The following CKAP4 variants were observed in gnomAD, a reference collection of about 807,000 sequenced individuals.
The protein encoded by CKAP4 is cytoskeleton-associated protein 4.
CKAP4 carries 20 observed loss-of-function variants against 24.4 expected under a neutral mutation model. That is an observed-to-expected ratio of 0.82 (90% CI 0.58 to 1.19). CKAP4 has a LOEUF of 1.19. Ranked by LOEUF, CKAP4 falls within the 50% of genes most tolerant of loss-of-function variation. The pLI, the probability that CKAP4 is intolerant of heterozygous loss-of-function variation, is 0.00. For synonymous variants in CKAP4, 378 were observed against 351.7 expected, an observed-to-expected ratio of 1.07 and a Z score of -0.84; for missense variants, 744 against 765.3, an observed-to-expected ratio of 0.97 and a Z score of 0.33.
chr12:106,238,966 ACAT>A lies in CKAP4; in HGVS notation c.*55_*57del, dbSNP rs1177755050. 6 of 1,572,256 alleles carry A rather than the reference ACAT, an allele frequency of 3.8e-6. No homozygotes were observed. The highest frequency in any genetic ancestry group is 3.5e-5 in the Admixed American group (2 of 57,616). Reference sequence around the variant, plus strand: ...TAGGGGACACATGGGAAAAAACCACACATTTTTTGGTCATGAGAAATTGGACTT... The same window carrying A: ...TAGGGGACACATGGGAAAAAACCACATTTTTGGTCATGAGAAATTGGACTT... On this transcript the variant is annotated 3_prime_UTR_variant, in exon 2 of 2. Transcript: ENST00000378026.
intron 1 of CKAP4, among the ~76,000 whole-genome samples, chr12:106,246,070 G>A (rs2034007541): frequency 6.6e-6 from 1 of 152,206 alleles, no homozygotes; most frequent in Non-Finnish European, 1.5e-5. Context: ...TGACATAGTG[G>A]AGGGCGAATA....
chr12:106,247,573 GGCGGCGGCGGCA>G lies in CKAP4; in HGVS notation c.267_278del (p.Ala91_Ala94del), dbSNP rs1227633309. 5.1e-5 allele frequency: 73 copies of G among 1,426,138 alleles called. No homozygotes were observed. Among genetic ancestry groups the G allele is most frequent in the Non-Finnish European group, 6.1e-5 (66 of 1,090,014 alleles). The allele number at this position is 1,426,138 out of a possible 1,614,324, so 88.3% of individuals were successfully genotyped here. ...GCGAGCAGGACGCCGAGGACGAGGC[GGCGGCGGCGGCA>G]GCGGCGGCGGAGGCGGAGGAGGAGG... On this transcript the variant is annotated inframe_deletion, in exon 1 of 2. Transcript: ENST00000378026. The surrounding 1 kb of genome is among the most constrained non-coding windows in gnomAD (Gnocchi z 4.5).
intron 1 of CKAP4, among the ~76,000 whole-genome samples, chr12:106,241,546 G>A (rs1271601846): frequency 2.6e-4 from 40 of 151,974 alleles, no homozygotes; most frequent in African/African-American, 9.7e-4. Context: ...TTTTAGCCGG[G>A]ATGGTCTCGA....
At chr12:106,241,221 TAAAAC>T (rs1163141502) in intron 1 of CKAP4, among the ~76,000 whole-genome samples, 7 of 152,042 alleles carry the variant, frequency 4.6e-5, no homozygotes, top group African/African-American at 1.2e-4. Context: ...TGTGTTCTGT[TAAAAC>T]AAACAGGGAA....
chr12:106,243,074 A>T (rs2033980795), intron 1 of CKAP4, among the ~76,000 whole-genome samples: 1 of 152,266 alleles, frequency 6.6e-6, no homozygotes, highest in Admixed American at 6.5e-5. Flanking sequence ...GCAAGATGCC[A>T]GAGATGAAAT....
intron 1 of CKAP4, among the ~76,000 whole-genome samples, chr12:106,242,672 A>T (rs2033978111): frequency 6.6e-6 from 1 of 152,218 alleles, no homozygotes. Context: ...TACGTTATTA[A>T]ATCACACTGT....
In CKAP4 at chr12:106,247,629, CGCCGCCGCCGCCGCG is replaced by C; in HGVS notation, c.208_222del (p.Arg70_Gly74del). 9.5e-7 allele frequency: 1 copy of C among 1,048,002 alleles called. No individual in the cohort carries two copies. Among genetic ancestry groups the C allele is most frequent in the Non-Finnish European group, 1.2e-6 (1 of 827,970 alleles). 64.9% of individuals were successfully genotyped at this position (1,048,002 alleles called of 1,614,324 possible). On this transcript the variant is annotated inframe_deletion, in exon 1 of 2. Coordinates refer to ENST00000378026, the MANE Select transcript of CKAP4 (RefSeq NM_006825.4). The surrounding 1 kb of genome is among the most constrained non-coding windows in gnomAD (Gnocchi z 4.5). ...GAGGAGGAGGAGGACTTGCCGCCGC[CGCCGCCGCCGCCGCG>C]GTGGCCGCCCTTGCCGTGCGCCTGG...
In CKAP4 at chr12:106,247,721, G is replaced by T; in HGVS notation, c.131C>A (p.Pro44Gln). 2 of 1,043,834 alleles carry T rather than the reference G, an allele frequency of 1.9e-6. No homozygotes were observed. The highest frequency in any genetic ancestry group is 4.3e-5 in the South Asian group (1 of 23,314). 64.7% of individuals were successfully genotyped at this position (1,043,834 alleles called of 1,614,324 possible). A position where few individuals can be genotyped will look rare whatever the true frequency, so the allele number is the denominator to read the frequency against. The change falls in exon 1 of 2, where the codon CCG (proline) becomes CAG (glutamine). Residue 44 changes from proline to glutamine, a missense_variant. Pro to Gln is a moderately conservative substitution (Grantham distance 76). This residue lies in a region of CKAP4 where 300 missense variants were observed against 264.5 expected (regional missense o/e 1.13). Transcript: ENST00000378026. The surrounding 1 kb of genome is among the most constrained non-coding windows in gnomAD (Gnocchi z 4.5). ...KKPPPAPQQP[P>Q]PPPAPHPQQH... ...CTGCGGGTGCGGCGCGGGCGGCGGC[G>T]GCGGCTGCTGCGGCGCCGGCGGCGG... is the stretch of plus-strand genomic sequence containing the variant.
chr12:106,244,003 C>T (rs993279462), intron 1 of CKAP4, among the ~76,000 whole-genome samples: 1 of 152,178 alleles, frequency 6.6e-6, no homozygotes, highest in Non-Finnish European at 1.5e-5. Context: ...AACTCCACCC[C>T]CCAACAAGTA....
At chr12:106,245,343 C>T (rs1034915359) in intron 1 of CKAP4, among the ~76,000 whole-genome samples, 2 of 152,174 alleles carry the variant, frequency 1.3e-5, no homozygotes, top group African/African-American at 4.8e-5. Flanking sequence ...TACCCTCCCA[C>T]AAAGCCTACA....
intron 1 of CKAP4, among the ~76,000 whole-genome samples, chr12:106,240,920 A>G (rs1435191563): frequency 6.6e-6 from 1 of 151,588 alleles, no homozygotes; most frequent in East Asian, 1.9e-4. Flanking sequence ...TGGATCTTCT[A>G]TAGATCCTGA....
Position 106,240,197 on chromosome 12 carries a change from G to C in CKAP4, c.636C>G (p.Leu212=), listed in dbSNP as rs750364828. ...CATGGATCCCATCCGAGAGGTCTTT[G>C]AGAATCTCATTCTGGAGTTTCTGCA... ...EVLQKLQNEI[L]KDLSDGIHVV... The change falls in exon 2 of 2, where the codon CTC becomes CTG. Residue 212 remains leucine, a synonymous_variant. Coordinates refer to ENST00000378026, the MANE Select transcript of CKAP4 (RefSeq NM_006825.4). 11 of 1,614,192 alleles carry C rather than the reference G, an allele frequency of 6.8e-6. No individual in the cohort carries two copies. The highest frequency in any genetic ancestry group is 9.3e-6 in the Non-Finnish European group (11 of 1,180,034).
At chr12:106,242,178 G>A (rs920202397) in intron 1 of CKAP4, among the ~76,000 whole-genome samples, 1 of 152,154 alleles carries the variant, frequency 6.6e-6, no homozygotes, top group Non-Finnish European at 1.5e-5. Context: ...AAACAGTACC[G>A]GACTCATATG....
rs150849660 is a variant in CKAP4, at chr12:106,240,156, C to T, written c.677G>A (p.Arg226Gln). The T allele has an allele frequency of 3.7e-5, 60 of 1,614,210 alleles. No homozygotes were observed. The highest frequency in any genetic ancestry group is 2.2e-4 in the East Asian group (10 of 44,868). Residue 226 changes from arginine to glutamine, a missense_variant, in exon 2 of 2, where the codon CGG becomes CAG. Transcript: ENST00000378026. ...SDGIHVVKDA[R>Q]ERDFTSLENT... ...CTCCAGGGACGTGAAGTCCCGCTCCCGGGCGTCCTTCACCACATGGATCCC... is the reference window on the plus strand; with the variant it reads ...CTCCAGGGACGTGAAGTCCCGCTCCTGGGCGTCCTTCACCACATGGATCCC...
Position 106,247,465 on chromosome 12 carries a change from G to A in CKAP4, c.387C>T (p.His129=), listed in dbSNP as rs747494352. 1.2e-5 allele frequency: 19 copies of A among 1,546,926 alleles called. 1 individual carries two copies. In the South Asian group the frequency reaches 2.0e-4, roughly 16 times the overall value. The change falls in exon 1 of 2, where the codon CAC becomes CAT. Residue 129 remains histidine (H), a synonymous_variant. Transcript: ENST00000378026. The surrounding 1 kb of genome is among the most constrained non-coding windows in gnomAD (Gnocchi z 4.5). ...GGACCTGCTGGACCTCCTCCAGGAC[G>A]TGGTGGACGCACCAGCCCGAGAAAG... The part of the protein sequence containing the change: ...AAAFSGWCVH[H]VLEEVQQVRR...
Position 106,239,765 on chromosome 12 carries a change from A to C in CKAP4, c.1068T>G (p.Leu356=). 2 of 1,613,554 alleles carry C rather than the reference A, an allele frequency of 1.2e-6. No homozygotes were observed. Among genetic ancestry groups the C allele is most frequent in the Non-Finnish European group, 1.7e-6 (2 of 1,179,918 alleles). Residue 356 remains leucine, a synonymous_variant, in exon 2 of 2, where the codon CTT becomes CTG. Transcript: ENST00000378026. This position sits in a 1 kb window ranked among gnomAD's most constrained non-coding sequence, Gnocchi z 4.9. Reference sequence around the variant, plus strand: ...GGGAGACGGACTCCTCAGACCTGAGAAGCTTCTCCGTGAGGGCCTGCAGGG... The same window carrying C: ...GGGAGACGGACTCCTCAGACCTGAGCAGCTTCTCCGTGAGGGCCTGCAGGG... ...RLALQALTEK[L]LRSEESVSRL... is the part of the protein sequence containing the mutation.
At position 106,247,388 on chromosome 12, in the gene CKAP4, A is replaced by C. The variant is rs1445003634; in HGVS notation, c.464T>G (p.Leu155Trp). 3.3e-6 allele frequency: 5 copies of C among 1,538,088 alleles called. No individual in the cohort carries two copies. Residue 155 changes from leucine (L) to tryptophan (W), a missense_variant, in exon 1 of 2, where the codon TTG becomes TGG. Leu to Trp is a moderately conservative substitution (Grantham distance 61). This residue lies in a region of CKAP4 where 300 missense variants were observed against 264.5 expected (regional missense o/e 1.13). Coordinates refer to ENST00000378026, the MANE Select transcript of CKAP4 (RefSeq NM_006825.4). This position sits in a 1 kb window ranked among gnomAD's most constrained non-coding sequence, Gnocchi z 4.5. ...SRQREELGQG[L>W]QGVEQKVQSL... ...ACCCACCTTCTGCTCGACGCCCTGC[A>C]AGCCCTGGCCCAGCTCCTCCCTCTG...
At chr12:106,245,358 G>GC (rs2033999483) in intron 1 of CKAP4, among the ~76,000 whole-genome samples, 1 of 152,136 alleles carries the variant, frequency 6.6e-6, no homozygotes, top group Non-Finnish European at 1.5e-5. Context: ...CCTACACAGA[G>GC]CCATGCAACT....
chr12:106,247,596 AGGC>A lies in CKAP4; in HGVS notation c.253_255del (p.Ala85del). Reference sequence around the variant, plus strand: ...GCGGCGGCGGCGGCAGCGGCGGCGGAGGCGGAGGAGGAGGAGGAGGACTTGCCG... The same window carrying A: ...GCGGCGGCGGCGGCAGCGGCGGCGGAGGAGGAGGAGGAGGAGGACTTGCCG... On this transcript the variant is annotated inframe_deletion, in exon 1 of 2. Transcript: ENST00000378026. This position sits in a 1 kb window ranked among gnomAD's most constrained non-coding sequence, Gnocchi z 4.5. 1 of 1,300,420 alleles carries A rather than the reference AGGC, an allele frequency of 7.7e-7. No individual in the cohort carries two copies. The highest frequency in any genetic ancestry group is 9.9e-7 in the Non-Finnish European group (1 of 1,013,330). The allele number at this position is 1,300,420 out of a possible 1,614,324, so 80.6% of individuals were successfully genotyped here. A position where few individuals can be genotyped will look rare whatever the true frequency, so the allele number is the denominator to read the frequency against.
Sources: gnomAD v4.1 joint callset for allele counts (sites outside exome capture counted in the v4.1 genomes callset) on GRCh38, gnomAD v4.1.1 for gene constraint, gnomAD v4.1.1 regional missense constraint, Gnocchi (gnomAD v3.1) non-coding constraint, MANE v1.5 for transcripts, NCBI Gene and HGNC (gene_info 2026-07-23, HGNC 2026-07-21) for gene names.